MAGI1: variants seen among roughly 807,000 people sequenced by gnomAD.
The protein encoded by MAGI1 is membrane associated guanylate kinase, WW and PDZ domain containing 1.
MAGI1 carries 58 observed loss-of-function variants against 139.9 expected under a neutral mutation model. The ratio of observed to expected loss-of-function variants is 0.41; its 90% CI spans 0.34 to 0.52. The LOEUF (loss-of-function observed/expected upper bound fraction) is 0.52, where lower values mean the gene tolerates loss of function less well. Among genes scored for constraint, MAGI1 ranks in the 20% least tolerant of loss-of-function variants. The pLI is 0.12. For missense variants in MAGI1, 1,874 were observed against 1,901.6 expected (o/e 0.99, Z 0.27); for synonymous variants, 812 against 737.9 (o/e 1.10, Z -1.63).
At chr3:65,647,588 G>C (rs1429523574) in intron 1 of MAGI1, among the ~76,000 whole-genome samples, 1 of 152,088 alleles carries the variant, frequency 6.6e-6, no homozygotes, top group Non-Finnish European at 1.5e-5. Context: ...AGGGATGCAA[G>C]GTTGGTTCAA....
At chr3:65,847,006 C>T (rs1402269674) in intron 1 of MAGI1, among the ~76,000 whole-genome samples, 2 of 122,244 alleles carry the variant, frequency 1.6e-5, no homozygotes, top group Non-Finnish European at 1.6e-5. Flanking sequence ...ACCCTAAGCA[C>T]ATTTGTTTAT....
chr3:65,473,429 C>G (rs1454685760), intron 4 of MAGI1, among the ~76,000 whole-genome samples: 1 of 152,054 alleles, frequency 6.6e-6, no homozygotes, highest in Non-Finnish European at 1.5e-5. Context: ...GGACTGAGAC[C>G]TCTTATTGCA....
rs910674002 is a variant in MAGI1 at position 65,563,157 on chromosome 3, A to G, written c.430+58815T>C. Among the ~76,000 whole-genome samples, 7 of 152,336 alleles carry G rather than the reference A, an allele frequency of 4.6e-5. No individual in the cohort carries two copies. In the East Asian group the frequency reaches 5.8e-4, roughly 13 times the overall value. The stretch of plus-strand genomic sequence containing the variant: ...TATTAAGTTGTCCTAATGGATTCCA[A>G]TAAATTTTCAGGGAAATATCAGCTT... On this transcript the variant is annotated intron_variant, in intron 2 of 22. Transcript: ENST00000402939.
intron 1 of MAGI1, among the ~76,000 whole-genome samples, chr3:65,853,992 C>G (rs574211840): frequency 1.6e-4 from 24 of 152,080 alleles, no homozygotes; most frequent in Middle Eastern, 6.8e-3. Flanking sequence ...CCTGTAGCCC[C>G]AGCTACTCAG....
chr3:65,466,345 GT>G (rs1559579694), intron 5 of MAGI1, among the ~76,000 whole-genome samples: 1 of 152,032 alleles, frequency 6.6e-6, no homozygotes. Flanking sequence ...CATTATAGGG[GT>G]CTGGATCTTA....
chr3:65,769,080 A>T (rs34077965), intron 1 of MAGI1, among the ~76,000 whole-genome samples: 35,032 of 152,092 alleles, frequency 0.23, 5,199 homozygotes, highest in Non-Finnish European at 0.35. Flanking sequence ...ATGCCTTTTT[A>T]AAAAAATTGC....
At chr3:65,507,292 T>C (rs1438030083) in intron 2 of MAGI1, among the ~76,000 whole-genome samples, 1 of 152,226 alleles carries the variant, frequency 6.6e-6, no homozygotes, top group Non-Finnish European at 1.5e-5. Context: ...CATGCTTTTT[T>C]CCCTCATATT....
At chr3:65,949,503 A>G (rs1364076683) in intron 1 of MAGI1, among the ~76,000 whole-genome samples, 8 of 152,348 alleles carry the variant, frequency 5.3e-5, no homozygotes, top group Non-Finnish European at 1.0e-4. Flanking sequence ...AAAGAAGGAA[A>G]TGTACTTTTT....
At chr3:65,377,387 C>A (rs1331463567) in intron 17 of MAGI1, among the ~76,000 whole-genome samples, 1 of 152,174 alleles carries the variant, frequency 6.6e-6, no homozygotes, top group Non-Finnish European at 1.5e-5. Flanking sequence ...CTCAGCAAAG[C>A]TCAGAAGCCT....
chr3:65,802,167 T>A (rs2040555148), intron 1 of MAGI1, among the ~76,000 whole-genome samples: 1 of 152,128 alleles, frequency 6.6e-6, no homozygotes, highest in Non-Finnish European at 1.5e-5. Context: ...AACATCTTCA[T>A]TCAGTTAAAA....
intron 1 of MAGI1, among the ~76,000 whole-genome samples, chr3:65,623,359 T>A (rs1309106623): frequency 6.6e-6 from 1 of 152,278 alleles, no homozygotes; most frequent in East Asian, 1.9e-4. Flanking sequence ...CTAAAAATAT[T>A]ATATTATCAC....
intron 2 of MAGI1, chr3:65,499,087 T>A: frequency 1.1e-6 from 1 of 927,156 alleles, no homozygotes; most frequent in South Asian, 5.0e-5. Context: ...AAAACTCTCA[T>A]ATGCTTTGAA....
intron 1 of MAGI1, among the ~76,000 whole-genome samples, chr3:65,646,451 T>TAC (rs1022812098): frequency 2.0e-5 from 3 of 152,126 alleles, no homozygotes; most frequent in Non-Finnish European, 4.4e-5. Flanking sequence ...CAATCGTTGT[T>TAC]AGAGACTTTA....
intron 1 of MAGI1, among the ~76,000 whole-genome samples, chr3:66,031,271 C>G (rs2068577527): frequency 6.6e-6 from 1 of 152,194 alleles, no homozygotes; most frequent in Non-Finnish European, 1.5e-5. Flanking sequence ...AAGGAAAGGG[C>G]CACTAACACC....
intron 1 of MAGI1, among the ~76,000 whole-genome samples, chr3:65,662,829 A>T (rs903688852): frequency 6.6e-6 from 1 of 152,162 alleles, no homozygotes; most frequent in African/African-American, 2.4e-5. Flanking sequence ...ACAACTTTAC[A>T]CATTATGACC....
At chr3:65,645,810 GTTATTTT>G (rs1395048075) in intron 1 of MAGI1, among the ~76,000 whole-genome samples, 1 of 151,816 alleles carries the variant, frequency 6.6e-6, no homozygotes, top group African/African-American at 2.4e-5. Flanking sequence ...TCTACATATA[GTTATTTT>G]ATATACTTTT....
rs2062148035 is a variant in MAGI1, at chr3:65,920,930, G to C, written c.313+117066C>G. On this transcript the variant is annotated intron_variant, in intron 1 of 22. Coordinates refer to ENST00000402939, the MANE Select transcript of MAGI1 (RefSeq NM_001033057.2). Reference sequence around the variant, plus strand: ...TGTAATCCCAGCTACTCAGGAGGCTGAGGCAGGAGAATTGCTTGAACCCGG... The same window carrying C: ...TGTAATCCCAGCTACTCAGGAGGCTCAGGCAGGAGAATTGCTTGAACCCGG... 5.3e-5 allele frequency among the ~76,000 whole-genome samples: 8 copies of C among 152,036 alleles called. No individual in the cohort carries two copies. In the South Asian group the frequency reaches 1.5e-3, roughly 28 times the overall value.
chr3:65,797,023 C>T (rs2040191873), intron 1 of MAGI1, among the ~76,000 whole-genome samples: 2 of 151,238 alleles, frequency 1.3e-5, no homozygotes, highest in Non-Finnish European at 1.5e-5. Flanking sequence ...TTTTTTTTTT[C>T]CAACAGCATT....
intron 2 of MAGI1, among the ~76,000 whole-genome samples, chr3:65,596,716 T>A (rs2082221327): frequency 6.6e-6 from 1 of 152,270 alleles, no homozygotes; most frequent in African/African-American, 2.4e-5. Context: ...CCTTCCTGAA[T>A]CTTCAAAAAT....
Sources: allele counts gnomAD v4.1 joint callset (sites outside exome capture counted in the v4.1 genomes callset), GRCh38; gene constraint gnomAD v4.1.1; transcripts MANE v1.5; gene names NCBI Gene and HGNC (gene_info 2026-07-23, HGNC 2026-07-21).